SPIN1: variants seen among roughly 807,000 people sequenced by gnomAD.
The protein encoded by SPIN1 is spindlin-1.
SPIN1 carries 3 observed loss-of-function variants against 26.0 expected under a neutral mutation model. The ratio of observed to expected loss-of-function variants is 0.12; its 90% CI spans 0.05 to 0.30. The LOEUF (loss-of-function observed/expected upper bound fraction) is 0.30, where lower values mean the gene tolerates loss of function less well. SPIN1 is among the 10% of genes least tolerant of loss of function. The probability of loss-of-function intolerance (pLI) is 1.00; values close to 1 mark genes in which losing one functional copy is unlikely to be tolerated. For missense variants in SPIN1, 126 were observed against 333.4 expected (o/e 0.38, Z 4.84); for synonymous variants, 101 against 116.5 (o/e 0.87, Z 0.86).
At chr9:88,467,283 A>T (rs1012122561) in intron 4 of SPIN1, among the ~76,000 whole-genome samples, 1 of 152,234 alleles carries the variant, frequency 6.6e-6, no homozygotes, top group Non-Finnish European at 1.5e-5. Flanking sequence ...TGATTAAATC[A>T]TACAAATACT....
chr9:88,472,525 G>T (rs750679332), intron 5 of SPIN1, among the ~76,000 whole-genome samples: 42 of 151,804 alleles, frequency 2.8e-4, no homozygotes, highest in Non-Finnish European at 4.7e-4. Context: ...ATGGAGTCTT[G>T]CTCTGTTGCC....
chr9:88,469,896 A>T (rs1365675380), intron 5 of SPIN1, among the ~76,000 whole-genome samples: 2 of 152,246 alleles, frequency 1.3e-5, no homozygotes, highest in African/African-American at 2.4e-5. Flanking sequence ...ACGCACAGAT[A>T]TGTACAGTCC....
chr9:88,425,491 A>G (rs1475487430), intron 1 of SPIN1, among the ~76,000 whole-genome samples: 5 of 152,068 alleles, frequency 3.3e-5, no homozygotes, highest in Non-Finnish European at 7.3e-5. Flanking sequence ...CATCCTGACC[A>G]ACATGGTGAA....
Position 88,476,251 on chromosome 9 carries a change from TTG to T in SPIN1, c.*980_*981del, listed in dbSNP as rs1828887354. ...TAAAAGGCAACAATCCATCACTGGT[TTG>T]TGTGTTTTTGGTTAAGTTTCTGGAA... On this transcript the variant is annotated 3_prime_UTR_variant, in exon 6 of 6. Transcript: ENST00000375859. 3 of 152,224 alleles carry T rather than the reference TTG, an allele frequency of 2.0e-5. No individual in the cohort carries two copies. The highest frequency in any genetic ancestry group is 7.2e-5 in the African/African-American group (3 of 41,470). The allele number at this position is 152,224 out of a possible 1,614,324, so 9.4% of individuals were successfully genotyped here. A position where few individuals can be genotyped will look rare whatever the true frequency, so the allele number is the denominator to read the frequency against.
chr9:88,441,631 T>C (rs960492092), intron 2 of SPIN1, among the ~76,000 whole-genome samples: 3 of 151,574 alleles, frequency 2.0e-5, no homozygotes, highest in African/African-American at 7.3e-5. Context: ...GGTGCATTCC[T>C]GTAGTCCCAG....
At chr9:88,430,050 T>C (rs1159666761) in intron 2 of SPIN1, among the ~76,000 whole-genome samples, 1 of 152,210 alleles carries the variant, frequency 6.6e-6, no homozygotes, top group Non-Finnish European at 1.5e-5. Flanking sequence ...ATTCTTCCTG[T>C]TAGCATAGAC....
chr9:88,398,938 A>T (rs915374732), intron 1 of SPIN1, among the ~76,000 whole-genome samples: 3 of 151,790 alleles, frequency 2.0e-5, no homozygotes, highest in Non-Finnish European at 4.4e-5. Flanking sequence ...CCTAGGATGG[A>T]TAAAGGAAAA....
chr9:88,399,736 C>T (rs1292403635), intron 1 of SPIN1, among the ~76,000 whole-genome samples: 1 of 152,110 alleles, frequency 6.6e-6, no homozygotes, highest in Non-Finnish European at 1.5e-5. Flanking sequence ...CTCTTGTGAG[C>T]CATGCAAGTT....
intron 4 of SPIN1, among the ~76,000 whole-genome samples, chr9:88,467,383 T>C (rs762524091): frequency 2.6e-5 from 4 of 152,154 alleles, no homozygotes; most frequent in African/African-American, 4.8e-5. Flanking sequence ...ACAAATAACA[T>C]AAAGTGGGAT....
chr9:88,395,083 C>T lies in SPIN1; in HGVS notation c.-159+6545C>T, dbSNP rs545268510. 3.8e-4 allele frequency among the ~76,000 whole-genome samples: 58 copies of T among 152,086 alleles called. 1 individual carries two copies. In the South Asian group the frequency reaches 9.3e-3, roughly 24 times the overall value. ...TCGGCCTGCCAAAGTGCTGGGATTA[C>T]AGGCGTGAGCCACCGCGCCTGGCCT... On this transcript the variant is annotated intron_variant, in intron 1 of 5. Coordinates refer to ENST00000375859, the MANE Select transcript of SPIN1 (RefSeq NM_006717.3).
chr9:88,472,658 A>C (rs1435450603), intron 5 of SPIN1, among the ~76,000 whole-genome samples: 1 of 151,880 alleles, frequency 6.6e-6, no homozygotes, highest in Non-Finnish European at 1.5e-5. Context: ...ACGCCCATCT[A>C]ATTTTTGTAT....
chr9:88,389,368 G>A (rs940263696), intron 1 of SPIN1: 2 of 152,258 alleles, frequency 1.3e-5, no homozygotes, highest in African/African-American at 4.8e-5. Context: ...TGGCTTTCTC[G>A]AGCATTTTAT....
chr9:88,459,864 G>T (rs1015626121), intron 3 of SPIN1, among the ~76,000 whole-genome samples: 1 of 152,078 alleles, frequency 6.6e-6, no homozygotes, highest in African/African-American at 2.4e-5. Flanking sequence ...TACCTTCTTG[G>T]CTGATGAACA....
rs150796295 is a variant in SPIN1, at chr9:88,466,854, G to T, written c.356-1518G>T. On this transcript the variant is annotated intron_variant, in intron 4 of 5. Transcript: ENST00000375859. The stretch of plus-strand genomic sequence containing the variant: ...TGGGTTTAGGTGATTCACCACCTGA[G>T]CCTTCTCAGTAGCTGGGACTACAGG... Among the ~76,000 whole-genome samples the T allele has an allele frequency of 5.5e-4, 83 of 152,226 alleles. 1 individual carries two copies. In the East Asian group the frequency reaches 6.8e-3, roughly 12 times the overall value.
chr9:88,448,311 C>G (rs945018400), intron 2 of SPIN1, among the ~76,000 whole-genome samples: 6 of 151,982 alleles, frequency 3.9e-5, no homozygotes, highest in African/African-American at 7.2e-5. Context: ...CCCAAAGTAT[C>G]GGGATTACAG....
At chr9:88,419,038 T>G (rs1365858916) in intron 1 of SPIN1, 1 of 152,220 alleles carries the variant, frequency 6.6e-6, no homozygotes, top group Non-Finnish European at 1.5e-5. Context: ...CATGACACAT[T>G]TTTAAGATTA....
chr9:88,396,778 A>G (rs115202553), intron 1 of SPIN1, among the ~76,000 whole-genome samples: 119 of 152,206 alleles, frequency 7.8e-4, no homozygotes, highest in African/African-American at 2.5e-3. Flanking sequence ...ACACAAACCT[A>G]TATGGGACAA....
intron 3 of SPIN1, among the ~76,000 whole-genome samples, chr9:88,454,275 T>A (rs1828424485): frequency 6.6e-6 from 1 of 152,204 alleles, no homozygotes; most frequent in African/African-American, 2.4e-5. Context: ...AAGATAGTAT[T>A]TAAATAAAAA....
chr9:88,438,937 T>G (rs1828062893), intron 2 of SPIN1, among the ~76,000 whole-genome samples: 1 of 152,168 alleles, frequency 6.6e-6, no homozygotes, highest in Admixed American at 6.6e-5. Flanking sequence ...GAGAGACTTT[T>G]AAGACAAAAA....
Sources: gnomAD v4.1 joint callset for allele counts (sites outside exome capture counted in the v4.1 genomes callset) on GRCh38, gnomAD v4.1.1 for gene constraint, MANE v1.5 for transcripts, NCBI Gene and HGNC (gene_info 2026-07-23, HGNC 2026-07-21) for gene names.